Variants in LOXHD1 observed in about 807,000 individuals in gnomAD.
LOXHD1 encodes lipoxygenase homology domain-containing protein 1.
A neutral mutation model predicts 248.2 loss-of-function variants in LOXHD1; 205 were observed. The observed-to-expected ratio is 0.83, with a 90% confidence interval of 0.74 to 0.93. The LOEUF (loss-of-function observed/expected upper bound fraction) is 0.93. LOXHD1 is among the 40% of genes least tolerant of loss of function. The pLI is 0.00. For synonymous variants in LOXHD1, 1,113 were observed against 1,162.8 expected, an observed-to-expected ratio of 0.96 and a Z score of 0.87; for missense variants, 2,930 against 2,971.6, an observed-to-expected ratio of 0.99 and a Z score of 0.33.
intron 37 of LOXHD1, among the ~76,000 whole-genome samples, chr18:46,492,007 C>A (rs181018508): frequency 6.6e-6 from 1 of 152,210 alleles, no homozygotes; most frequent in African/African-American, 2.4e-5. Flanking sequence ...GAGCTTTGTG[C>A]CTGCTGCTCA....
intron 37 of LOXHD1, among the ~76,000 whole-genome samples, chr18:46,490,835 T>C (rs535713432): frequency 1.3e-5 from 2 of 152,362 alleles, no homozygotes; most frequent in South Asian, 4.1e-4. Flanking sequence ...TTTTTCTACA[T>C]TAGGGCCAAT....
intron 37 of LOXHD1, among the ~76,000 whole-genome samples, chr18:46,489,690 A>G (rs2033326038): frequency 6.6e-6 from 1 of 152,166 alleles, no homozygotes; most frequent in Non-Finnish European, 1.5e-5. Context: ...ATGCTCCTAT[A>G]GCCCCCTGCA....
At chr18:46,612,560 C>T (rs866055570) in intron 5 of LOXHD1, among the ~76,000 whole-genome samples, 8 of 151,958 alleles carry the variant, frequency 5.3e-5, no homozygotes, top group African/African-American at 1.9e-4. Flanking sequence ...CCATTTTTCT[C>T]TTGTCTTGTT....
Position 46,578,022 on chromosome 18 carries a change from G to A in LOXHD1, c.1810-155C>T, listed in dbSNP as rs560062121. Among the ~76,000 whole-genome samples, 43 of 152,262 alleles carry A rather than the reference G, an allele frequency of 2.8e-4. 2 individuals carry two copies. Among genetic ancestry groups the A allele is most frequent in the South Asian group, 2.3e-3 (11 of 4,826 alleles). On this transcript the variant is annotated intron_variant, in intron 13 of 40. Transcript: ENST00000642948. ...GGACAGGAGCTACCTATAAAGCACA[G>A]CTCACACCCACCCCCAATTTCTTCC...
intron 34 of LOXHD1, among the ~76,000 whole-genome samples, chr18:46,516,855 T>C (rs2035281165): frequency 6.6e-6 from 1 of 151,592 alleles, no homozygotes; most frequent in East Asian, 1.9e-4. Context: ...TCATCATCCC[T>C]ACCATCACCT....
intron 8 of LOXHD1, among the ~76,000 whole-genome samples, chr18:46,598,285 T>G (rs1453166706): frequency 6.6e-6 from 1 of 152,096 alleles, no homozygotes; most frequent in Non-Finnish European, 1.5e-5. Context: ...TAAAAACTCC[T>G]TACAATATAA....
intron 21 of LOXHD1, among the ~76,000 whole-genome samples, chr18:46,548,439 T>C (rs1016117917): frequency 1.3e-5 from 2 of 152,166 alleles, no homozygotes; most frequent in Non-Finnish European, 2.9e-5. Context: ...GTCAATGGGC[T>C]CAGATGGGGT....
intron 2 of LOXHD1, among the ~76,000 whole-genome samples, chr18:46,646,214 G>T (rs2039027929): frequency 6.6e-6 from 1 of 152,194 alleles, no homozygotes; most frequent in African/African-American, 2.4e-5. Flanking sequence ...GAGACTGTGG[G>T]ACCAGTGGAT....
At chr18:46,486,432 A>T (rs912052004) in intron 38 of LOXHD1, among the ~76,000 whole-genome samples, 2 of 152,190 alleles carry the variant, frequency 1.3e-5, no homozygotes, top group African/African-American at 4.8e-5. Context: ...ACCTGAAACA[A>T]GTAGAGTGAA....
chr18:46,567,473 G>T (rs2037666156), intron 16 of LOXHD1, among the ~76,000 whole-genome samples: 1 of 152,238 alleles, frequency 6.6e-6, no homozygotes, highest in Non-Finnish European at 1.5e-5. Context: ...AGAGCCCTCT[G>T]TGTGCATGTC....
chr18:46,639,440 AG>A (rs1440763617), intron 4 of LOXHD1, among the ~76,000 whole-genome samples, 175 bp downstream of exon 4: 5 of 152,218 alleles, frequency 3.3e-5, no homozygotes, highest in Non-Finnish European at 5.9e-5. Flanking sequence ...AGTTGCCCAT[AG>A]GAAGACCCCA....
At chr18:46,551,112 T>C (rs992315029) in intron 21 of LOXHD1, among the ~76,000 whole-genome samples, 4 of 151,382 alleles carry the variant, frequency 2.6e-5, no homozygotes, top group African/African-American at 7.3e-5. Flanking sequence ...TTTTCTTTTT[T>C]TTTTTTTTGA....
intron 1 of LOXHD1, among the ~76,000 whole-genome samples, chr18:46,653,102 C>T (rs1176613851): frequency 6.6e-6 from 1 of 152,140 alleles, no homozygotes; most frequent in Non-Finnish European, 1.5e-5. Context: ...CAAAAATTAG[C>T]CAGGCGTGGT....
rs1034091332 is a variant in LOXHD1 at position 46,604,246 on chromosome 18, G to C, written c.760-17C>G. 2 of 1,551,544 alleles carry C rather than the reference G, an allele frequency of 1.3e-6. No individual in the cohort carries two copies. Among genetic ancestry groups the C allele is most frequent in the African/African-American group, 1.4e-5 (1 of 73,138 alleles). On this transcript the variant is annotated splice_polypyrimidine_tract_variant and intron_variant, in intron 6 of 40. Coordinates refer to ENST00000642948, the MANE Select transcript of LOXHD1 (RefSeq NM_001384474.1). Reference sequence around the variant, plus strand: ...AATGACTATCTGGGAAGGAGAAGAGGGGACAAGGATGTAGATAAGTGTTGT... The same window carrying C: ...AATGACTATCTGGGAAGGAGAAGAGCGGACAAGGATGTAGATAAGTGTTGT...
In LOXHD1 at chr18:46,595,128, A is replaced by G. The variant is rs890717717; in HGVS notation, c.1135-662T>C. On this transcript the variant is annotated intron_variant, in intron 8 of 40. Transcript: ENST00000642948. ...ACTAATCTGACCCTCCCATCAGTCA[A>G]GGTTTTGACCAACCATTGTCTTACT... Among the ~76,000 whole-genome samples, 3 of 152,330 alleles carry G rather than the reference A, an allele frequency of 2.0e-5. No homozygotes were observed. In the East Asian group the frequency reaches 5.8e-4, roughly 29 times the overall value.
intron 10 of LOXHD1, among the ~76,000 whole-genome samples, chr18:46,592,891 C>G (rs2038197485): frequency 6.6e-6 from 1 of 152,166 alleles, no homozygotes; most frequent in African/African-American, 2.4e-5. Flanking sequence ...CTTCCAGTAA[C>G]AAAATCTATA....
In LOXHD1 at chr18:46,601,246, C is replaced by G; in HGVS notation, c.1105G>C (p.Gly369Arg). ...TCACAGAACCAGCCTCTGTTGACAC[C>G]CACATTGCCATGCCCGACGGAGACC... is the stretch of plus-strand genomic sequence containing the variant. ...SRVSVGHGNV[G>R]VNRGWFCEKV... Residue 369 changes from glycine (G) to arginine (R), a missense_variant, in exon 8 of 41, where the codon GGT (glycine) becomes CGT (arginine). Coordinates refer to ENST00000642948, the MANE Select transcript of LOXHD1 (RefSeq NM_001384474.1). 1 of 1,551,618 alleles carries G rather than the reference C, an allele frequency of 6.4e-7. No homozygotes were observed. The highest frequency in any genetic ancestry group is 2.0e-5 in the Admixed American group (1 of 51,000).
intron 37 of LOXHD1, among the ~76,000 whole-genome samples, chr18:46,502,312 G>GA (rs1161750640): frequency 6.6e-6 from 1 of 152,178 alleles, no homozygotes; most frequent in Non-Finnish European, 1.5e-5. Flanking sequence ...TTCATCCCGA[G>GA]AAACAGGCTG....
chr18:46,569,705 C>A, intron 15 of LOXHD1, 67 bp from the exon 16 acceptor site: 1 of 1,323,772 alleles, frequency 7.6e-7, no homozygotes, highest in Non-Finnish European at 1.0e-6. Context: ...AAGCAGGGTG[C>A]GTGTATAGGA....
Sources: gnomAD v4.1 joint callset for allele counts (sites outside exome capture counted in the v4.1 genomes callset) on GRCh38, gnomAD v4.1.1 for gene constraint, MANE v1.5 for transcripts, NCBI Gene and HGNC (gene_info 2026-07-23, HGNC 2026-07-21) for gene names.